BNC2: variants seen among roughly 807,000 people sequenced by gnomAD.
BNC2 encodes the protein basonuclin zinc finger protein 2, also known as zinc finger protein basonuclin-2.
Under a neutral mutation model 76.3 loss-of-function variants are expected in BNC2, and 20 were observed. The ratio of observed to expected loss-of-function variants is 0.26; its 90% CI spans 0.18 to 0.38. The LOEUF (loss-of-function observed/expected upper bound fraction) is 0.38. Ranked by LOEUF, BNC2 falls within the 10% of genes least tolerant of loss-of-function variation. The pLI, the probability that BNC2 is intolerant of heterozygous loss-of-function variation, is 1.00. For missense variants in BNC2, 1,382 were observed against 1,399.8 expected, an observed-to-expected ratio of 0.99 and a Z score of 0.20; for synonymous variants, 582 against 514.8, an observed-to-expected ratio of 1.13 and a Z score of -1.77.
intron 3 of BNC2, chr9:16,705,026 G>C (rs1033728189): frequency 1.1e-4 from 16 of 152,138 alleles, no homozygotes; most frequent in African/African-American, 3.4e-4. Flanking sequence ...CCACAGTTTA[G>C]GAAAAAGCGA....
chr9:16,738,693 T>C (rs1299555810), intron 1 of BNC2, among the ~76,000 whole-genome samples: 1 of 152,158 alleles, frequency 6.6e-6, no homozygotes, highest in African/African-American at 2.4e-5. Context: ...TGGGAATAAC[T>C]GAATAATTTG....
chr9:16,616,781 G>GGGGAAGGAAGGAAGGAAGGA (rs1820711071), intron 3 of BNC2, among the ~76,000 whole-genome samples: 1 of 52,774 alleles, frequency 1.9e-5, no homozygotes, highest in Non-Finnish European at 3.8e-5. Context: ...GAGGGGAGGG[G>GGGGAAGGAAGGAAGGAAGGA]AGGAAGGAGG....
chr9:16,665,998 T>C (rs1464464547), intron 3 of BNC2, among the ~76,000 whole-genome samples: 1 of 152,182 alleles, frequency 6.6e-6, no homozygotes, highest in Non-Finnish European at 1.5e-5. Flanking sequence ...TCTGGTAAAT[T>C]ATCCCCATTT....
At chr9:16,870,312 A>G (rs538225769) in intron 1 of BNC2, among the ~76,000 whole-genome samples, 2 of 151,682 alleles carry the variant, frequency 1.3e-5, no homozygotes, top group East Asian at 3.9e-4. Flanking sequence ...CCCGTCCCCA[A>G]CGCCCTGGAG....
At chr9:16,727,684 GACC>G (rs1166265616) in intron 3 of BNC2, 110 bp downstream of exon 3, 1 of 897,684 alleles carries the variant, frequency 1.1e-6, no homozygotes, top group East Asian at 2.5e-5. Flanking sequence ...ACTAGGAAGT[GACC>G]ACATTTTAAA....
In BNC2 at chr9:16,447,293, A is replaced by G. The variant is rs1339787472; in HGVS notation, c.670-9769T>C. On this transcript the variant is annotated intron_variant, in intron 5 of 6. Coordinates refer to ENST00000380672, the MANE Select transcript of BNC2 (RefSeq NM_017637.6). ...ATCTTGATTAGGCTAAATATAACAT[A>G]CACAAATTCAACCTCAGAGGAAAAT... 3.3e-5 allele frequency among the ~76,000 whole-genome samples: 5 copies of G among 152,232 alleles called. No individual in the cohort carries two copies. The East Asian group carries it at 7.7e-4, about 23-fold the overall frequency.
intron 3 of BNC2, among the ~76,000 whole-genome samples, chr9:16,716,145 G>T (rs1171406903): frequency 6.6e-6 from 1 of 152,146 alleles, no homozygotes; most frequent in African/African-American, 2.4e-5. Flanking sequence ...TCCTTCACAT[G>T]TTAACACTTC....
Position 16,412,507 on chromosome 9 carries a change from ATTG to A in BNC2, c.*6479_*6481del, listed in dbSNP as rs1223783716. 6.6e-6 allele frequency: 1 copy of A among 152,572 alleles called. No individual in the cohort carries two copies. The highest frequency in any genetic ancestry group is 1.5e-5 in the Non-Finnish European group (1 of 68,032). The allele number at this position is 152,572 out of a possible 1,614,324, so 9.5% of individuals were successfully genotyped here. On this transcript the variant is annotated 3_prime_UTR_variant, in exon 7 of 7. Coordinates refer to ENST00000380672, the MANE Select transcript of BNC2 (RefSeq NM_017637.6). The stretch of plus-strand genomic sequence containing the variant: ...CCACACCCATTACTCTCAAGATGGA[ATTG>A]TTAACACTTAAGTTTTCAAAGAAGC...
intron 5 of BNC2, among the ~76,000 whole-genome samples, chr9:16,532,089 A>G (rs1817994462): frequency 1.3e-5 from 2 of 152,018 alleles, no homozygotes; most frequent in Admixed American, 1.3e-4. Flanking sequence ...TAACACATAA[A>G]TTATCAATAT....
chr9:16,557,697 C>T (rs972885614), intron 4 of BNC2, among the ~76,000 whole-genome samples: 1 of 151,994 alleles, frequency 6.6e-6, no homozygotes, highest in African/African-American at 2.4e-5. Flanking sequence ...TGCTTAAGTA[C>T]AGTTTGAAAA....
At chr9:16,685,652 A>G (rs530874785) in intron 3 of BNC2, 2 of 1,287,944 alleles carry the variant, frequency 1.6e-6, no homozygotes, top group South Asian at 2.5e-5. Context: ...GCCACGTTAG[A>G]TGCTGTGTAT....
intron 1 of BNC2, among the ~76,000 whole-genome samples, chr9:16,767,358 CAG>C (rs909550352): frequency 2.0e-5 from 3 of 152,180 alleles, no homozygotes; most frequent in South Asian, 4.1e-4. Context: ...GGTCAGTGCT[CAG>C]AGAGACACAA....
At chr9:16,622,030 C>T (rs1472809150) in intron 3 of BNC2, among the ~76,000 whole-genome samples, 1 of 152,090 alleles carries the variant, frequency 6.6e-6, no homozygotes, top group Non-Finnish European at 1.5e-5. Flanking sequence ...GGTCTGGACA[C>T]TAGGATTCTT....
At chr9:16,461,858 A>G (rs1279082989) in intron 5 of BNC2, among the ~76,000 whole-genome samples, 1 of 152,232 alleles carries the variant, frequency 6.6e-6, no homozygotes, top group Non-Finnish European at 1.5e-5. Context: ...CCTGCCACTG[A>G]GCTGGAAGCC....
intron 3 of BNC2, among the ~76,000 whole-genome samples, chr9:16,638,751 G>C (rs1256024330): frequency 1.3e-5 from 2 of 151,916 alleles, no homozygotes; most frequent in African/African-American, 4.8e-5. Context: ...TACAAATAGA[G>C]TACGATAATA....
chr9:16,612,653 A>G (rs1158719500), intron 3 of BNC2, among the ~76,000 whole-genome samples: 3 of 152,226 alleles, frequency 2.0e-5, no homozygotes, highest in African/African-American at 7.2e-5. Context: ...AGGAATTTAC[A>G]ACTGAGTAGG....
intron 3 of BNC2, among the ~76,000 whole-genome samples, chr9:16,603,653 A>G (rs1820302321): frequency 6.6e-6 from 1 of 152,204 alleles, no homozygotes. Flanking sequence ...TTTAGGCAAA[A>G]CTAAAAAGGA....
At chr9:16,839,437 A>C (rs1818776663) in intron 1 of BNC2, among the ~76,000 whole-genome samples, 1 of 152,216 alleles carries the variant, frequency 6.6e-6, no homozygotes, top group African/African-American at 2.4e-5. Flanking sequence ...GCTATCCTAG[A>C]ATAGAAATAA....
rs186155487 is a variant in BNC2 at position 16,654,184 on chromosome 9, T to C, written c.331-71099A>G. 3.3e-5 allele frequency among the ~76,000 whole-genome samples: 5 copies of C among 152,242 alleles called. No homozygotes were observed. In the East Asian group the frequency reaches 5.8e-4, roughly 18 times the overall value. ...GGCTCTTAGGCAACTACAGTAGAAA[T>C]TGTATTTTTTGTCCTCTCTTTTGGT... On this transcript the variant is annotated intron_variant, in intron 3 of 6. Coordinates refer to ENST00000380672, the MANE Select transcript of BNC2 (RefSeq NM_017637.6).
Sources: allele counts gnomAD v4.1 joint callset (sites outside exome capture counted in the v4.1 genomes callset), GRCh38; gene constraint gnomAD v4.1.1; transcripts MANE v1.5; gene names NCBI Gene and HGNC (gene_info 2026-07-23, HGNC 2026-07-21).